Variants in COL25A1 observed in about 807,000 individuals in gnomAD.
COL25A1 encodes the protein collagen alpha-1(XXV) chain.
Under a neutral mutation model 128.4 loss-of-function variants are expected in COL25A1, and 103 were observed. That is an observed-to-expected ratio of 0.80 (90% confidence interval 0.68 to 0.94). The LOEUF (loss-of-function observed/expected upper bound fraction) is 0.94, where lower values mean the gene tolerates loss of function less well. Among genes scored for constraint, COL25A1 ranks in the 40% least tolerant of loss-of-function variants. COL25A1 has a pLI of 0.00. For missense variants in COL25A1, 745 were observed against 840.0 expected, an observed-to-expected ratio of 0.89 and a Z score of 1.40; for synonymous variants, 279 against 277.2, an observed-to-expected ratio of 1.01 and a Z score of -0.06.
At chr4:109,033,190 A>G (rs1218373446) in intron 5 of COL25A1, among the ~76,000 whole-genome samples, 1 of 152,260 alleles carries the variant, frequency 6.6e-6, no homozygotes, top group African/African-American at 2.4e-5. Flanking sequence ...CACACAACAC[A>G]TGTACAGATT....
At chr4:108,969,225 C>G (rs181457898) in intron 8 of COL25A1, among the ~76,000 whole-genome samples, 1 of 152,214 alleles carries the variant, frequency 6.6e-6, no homozygotes, top group African/African-American at 2.4e-5. Flanking sequence ...TCCCCTTGTC[C>G]CTTCCAGCTT....
intron 3 of COL25A1, among the ~76,000 whole-genome samples, chr4:109,089,426 A>T (rs1764707132): frequency 6.6e-6 from 1 of 152,166 alleles, no homozygotes; most frequent in South Asian, 2.1e-4. Context: ...GGAGAATTAA[A>T]AAGTGCTTGA....
At chr4:109,242,221 C>T (rs527305405) in intron 3 of COL25A1, among the ~76,000 whole-genome samples, 7 of 152,198 alleles carry the variant, frequency 4.6e-5, no homozygotes, top group South Asian at 2.1e-4. Context: ...ACATTTCCCC[C>T]GCTTCACATC....
chr4:108,973,999 C>A (rs556508764), intron 8 of COL25A1, among the ~76,000 whole-genome samples: 2 of 152,300 alleles, frequency 1.3e-5, no homozygotes, highest in East Asian at 3.9e-4. Flanking sequence ...GGTTTAACTG[C>A]AGCAAAAGGC....
chr4:108,891,601 A>G (rs1741510145), intron 16 of COL25A1, among the ~76,000 whole-genome samples: 1 of 152,172 alleles, frequency 6.6e-6, no homozygotes, highest in African/African-American at 2.4e-5. Context: ...CAAAACTCTC[A>G]TGAAATAAAG....
chr4:109,080,060 A>G (rs746590939), intron 3 of COL25A1, among the ~76,000 whole-genome samples: 3 of 152,094 alleles, frequency 2.0e-5, no homozygotes, highest in South Asian at 2.1e-4. Flanking sequence ...CACCAAATTG[A>G]GCTGTCGTTA....
At chr4:108,895,938 CTTTTTTTTT>C (rs35506597) in intron 16 of COL25A1, among the ~76,000 whole-genome samples, 3 of 70,794 alleles carry the variant, frequency 4.2e-5, no homozygotes, top group African/African-American at 5.4e-5. Context: ...TATAATCAAA[CTTTTTTTTT>C]TTTTTTTTTT....
intron 3 of COL25A1, among the ~76,000 whole-genome samples, chr4:109,253,307 G>A (rs991809850): frequency 2.0e-5 from 3 of 152,174 alleles, no homozygotes; most frequent in Admixed American, 2.0e-4. Context: ...ACCCAGGAGA[G>A]TTGGAAGTAT....
Position 108,859,667 on chromosome 4 carries a change from C to T in COL25A1, c.1309G>A (p.Glu437Lys), listed in dbSNP as rs1172341653. Residue 437 changes from glutamate to lysine, a missense_variant, in exon 24 of 38, where the codon GAA becomes AAA. Physicochemically the swap from Glu to Lys is moderately conservative, Grantham distance 56 (BLOSUM62 1). Around this residue, in one of 3 missense-constraint regions of COL25A1, gnomAD observed 387 missense variants for 441.9 expected, o/e 0.88. Coordinates refer to ENST00000399132, the MANE Select transcript of COL25A1 (RefSeq NM_198721.4). The part of the protein sequence containing the change: ...EIIDYNGNLH[E>K]ALQRITTLTV... ...GACCAGTCACTTGCCTGTAAGGCTT[C>T]GTGGAGGTTGCCGTTGTAGTCTATG... The T allele has an allele frequency of 1.1e-5, 18 of 1,613,436 alleles. No homozygotes were observed. The highest frequency in any genetic ancestry group is 2.2e-5 in the East Asian group (1 of 44,848).
chr4:109,071,787 G>A (rs527882072), intron 3 of COL25A1, among the ~76,000 whole-genome samples: 1 of 152,164 alleles, frequency 6.6e-6, no homozygotes, highest in African/African-American at 2.4e-5. Flanking sequence ...TCATTAAAAA[G>A]TCAGGAAACA....
chr4:109,170,439 A>G (rs1284933597), intron 3 of COL25A1, among the ~76,000 whole-genome samples: 2 of 152,118 alleles, frequency 1.3e-5, no homozygotes, highest in Non-Finnish European at 2.9e-5. Flanking sequence ...GAACACCAAT[A>G]TTCAGTGTGA....
chr4:109,129,348 C>T (rs560381147), intron 3 of COL25A1, among the ~76,000 whole-genome samples: 4 of 151,964 alleles, frequency 2.6e-5, no homozygotes, highest in South Asian at 2.1e-4. Flanking sequence ...AGGCTGGTCT[C>T]GAACTCCTGA....
At chr4:109,039,687 C>T (rs1000638234) in intron 5 of COL25A1, among the ~76,000 whole-genome samples, 6 of 152,290 alleles carry the variant, frequency 3.9e-5, no homozygotes, top group African/African-American at 1.2e-4. Flanking sequence ...ACAAAAGTCA[C>T]GTCTTATTTG....
At chr4:109,188,479 G>A (rs539531784) in intron 3 of COL25A1, among the ~76,000 whole-genome samples, 1 of 152,210 alleles carries the variant, frequency 6.6e-6, no homozygotes, top group African/African-American at 2.4e-5. Context: ...TCAAACACAA[G>A]AGAAGACACC....
At chr4:109,243,880 CTA>C (rs1780070585) in intron 3 of COL25A1, among the ~76,000 whole-genome samples, 1 of 151,994 alleles carries the variant, frequency 6.6e-6, no homozygotes, top group African/African-American at 2.4e-5. Flanking sequence ...CCTATAAAAT[CTA>C]TGTTTTTTGA....
At chr4:109,077,079 T>C (rs1232904110) in intron 3 of COL25A1, among the ~76,000 whole-genome samples, 5 of 152,180 alleles carry the variant, frequency 3.3e-5, no homozygotes, top group African/African-American at 1.2e-4. Context: ...ATGATTGCTC[T>C]TGCTGTGTTT....
intron 3 of COL25A1, among the ~76,000 whole-genome samples, chr4:109,070,183 A>G (rs13104115): frequency 0.61 from 92,255 of 151,006 alleles, 28,946 homozygotes; most frequent in Non-Finnish European, 0.7. Flanking sequence ...GCATGAACCC[A>G]AGAGTTGGAG....
chr4:109,241,026 C>T (rs575347326), intron 3 of COL25A1, among the ~76,000 whole-genome samples: 1 of 152,154 alleles, frequency 6.6e-6, no homozygotes, highest in Admixed American at 6.6e-5. Context: ...TCTTCCAGAA[C>T]ACTACACAAT....
rs1318570398 is a variant in COL25A1, at chr4:109,253,964, G to C, written c.367+46619C>G. Among the ~76,000 whole-genome samples, 4 of 151,888 alleles carry C rather than the reference G, an allele frequency of 2.6e-5. No homozygotes were observed. The East Asian group carries it at 7.8e-4, about 29-fold the overall frequency. ...TATCCCGGTGCGGTGGCGGGTGCCT[G>C]TAGTCCCAGCTACTCAGGAGGCTGA... On this transcript the variant is annotated intron_variant, in intron 3 of 37. Transcript: ENST00000399132.
Sources: gnomAD v4.1 joint callset for allele counts (sites outside exome capture counted in the v4.1 genomes callset) on GRCh38, gnomAD v4.1.1 for gene constraint, gnomAD v4.1.1 regional missense constraint, MANE v1.5 for transcripts, NCBI Gene and HGNC (gene_info 2026-07-23, HGNC 2026-07-21) for gene names.